The following ABCA6 variants were observed in gnomAD, a reference collection of about 807,000 sequenced individuals.
ABCA6 encodes ATP binding cassette subfamily A member 6.
Under a neutral mutation model 191.2 loss-of-function variants are expected in ABCA6, and 164 were observed. The ratio of observed to expected loss-of-function variants is 0.86; its 90% confidence interval spans 0.76 to 0.98. ABCA6 has a LOEUF of 0.98. ABCA6 is among the 50% of genes least tolerant of loss of function. The pLI is 0.00. For synonymous variants in ABCA6, 636 were observed against 647.7 expected (o/e 0.98, Z 0.27); for missense variants, 1,958 against 1,894.1 (o/e 1.03, Z -0.63).
chr17:69,131,880 G>A (rs751210081), intron 6 of ABCA6, among the ~76,000 whole-genome samples: 17 of 152,152 alleles, frequency 1.1e-4, no homozygotes, highest in Non-Finnish European at 2.4e-4. Flanking sequence ...TCAGGTGACT[G>A]CAGGGACACT....
intron 25 of ABCA6, among the ~76,000 whole-genome samples, chr17:69,092,549 T>C (rs2072949404): frequency 6.6e-6 from 1 of 152,190 alleles, no homozygotes; most frequent in African/African-American, 2.4e-5. Context: ...GATGTGCTAC[T>C]ATACCTCCAC....
Position 69,123,422 on chromosome 17 carries a change from G to A in ABCA6, c.1268-15C>T, listed in dbSNP as rs145168924. On this transcript the variant is annotated splice_polypyrimidine_tract_variant and intron_variant, in intron 9 of 38. Transcript: ENST00000284425. ...CTCATCTCCATCTAATTAACCAAGA[G>A]GCAACAAAATATGATCAGTAATAGT... 12 of 1,446,846 alleles carry A rather than the reference G, an allele frequency of 8.3e-6. No individual in the cohort carries two copies. The East Asian group carries it at 2.5e-4, about 30-fold the overall frequency. The allele number at this position is 1,446,846 out of a possible 1,614,324, so 89.6% of individuals were successfully genotyped here. A position where few individuals can be genotyped will look rare whatever the true frequency, so the allele number is the denominator to read the frequency against.
chr17:69,117,883 A>G lies in ABCA6; in HGVS notation c.1495+15T>C, dbSNP rs1418656838. 1 of 1,528,528 alleles carries G rather than the reference A, an allele frequency of 6.5e-7. No individual in the cohort carries two copies. Among genetic ancestry groups the G allele is most frequent in the African/African-American group, 1.4e-5 (1 of 72,012 alleles). The allele number at this position is 1,528,528 out of a possible 1,614,324, so 94.7% of individuals were successfully genotyped here. On this transcript the variant is annotated intron_variant, in intron 11 of 38. Coordinates refer to ENST00000284425, the MANE Select transcript of ABCA6 (RefSeq NM_080284.3). ...AAGAAGTGAAAGAATGAAATTTTTC[A>G]ATGTTTTTCTTTACCTTTCAATGCT...
chr17:69,128,847 A>T lies in ABCA6; in HGVS notation c.934-43T>A, dbSNP rs758824877. 7 of 1,470,094 alleles carry T rather than the reference A, an allele frequency of 4.8e-6. No homozygotes were observed. In the African/African-American group the frequency reaches 1.0e-4, roughly 21 times the overall value. The allele number at this position is 1,470,094 out of a possible 1,614,324, so 91.1% of individuals were successfully genotyped here. On this transcript the variant is annotated intron_variant, in intron 7 of 38. Transcript: ENST00000284425. ...CATTCAGCTGTTATAAAAAATATTT[A>T]GCTCACTGAGAATCATTGGCAGCCC...
Position 69,098,035 on chromosome 17 carries a change from T to TA in ABCA6, c.3013-9dup. On this transcript the variant is annotated splice_polypyrimidine_tract_variant and intron_variant, in intron 22 of 38. Transcript: ENST00000284425. ...CCAGAGTCCTATGTGGCTCTGAAAA[T>TA]ATAAAGGGTAGCTTAAACTAGTGAA... The TA allele has an allele frequency of 6.4e-7, 1 of 1,557,266 alleles. No individual in the cohort carries two copies. Among genetic ancestry groups the TA allele is most frequent in the Non-Finnish European group, 8.7e-7 (1 of 1,153,744 alleles).
chr17:69,081,023 A>C (rs1339108136), intron 37 of ABCA6, 43 bp downstream of exon 37: 2 of 1,176,686 alleles, frequency 1.7e-6, no homozygotes. Context: ...TTTTAGTATT[A>C]GTTGATTCTT....
chr17:69,080,731 T>G (rs2144601112), intron 37 of ABCA6, among the ~76,000 whole-genome samples: 1 of 152,240 alleles, frequency 6.6e-6, no homozygotes, highest in African/African-American at 2.4e-5. Flanking sequence ...AAGTAATAAT[T>G]TGGGACACTT....
chr17:69,137,549 T>C (rs747693217), intron 2 of ABCA6, 49 bp from the exon 3 acceptor site: 3 of 1,542,312 alleles, frequency 1.9e-6, no homozygotes, highest in Non-Finnish European at 8.9e-7. Flanking sequence ...TGCATTCACT[T>C]AAAGATCTCA....
chr17:69,119,342 A>T (rs952756034), intron 10 of ABCA6, among the ~76,000 whole-genome samples: 1 of 152,030 alleles, frequency 6.6e-6, no homozygotes, highest in African/African-American at 2.4e-5. Context: ...TTCATCACCC[A>T]TCCAACCTGG....
At chr17:69,102,703 G>A (rs183489295) in intron 21 of ABCA6, 132 bp downstream of exon 21, 2 of 820,160 alleles carry the variant, frequency 2.4e-6, no homozygotes, top group African/African-American at 1.8e-5. Flanking sequence ...AAACTTCACA[G>A]TTTATTAAAT....
chr17:69,081,064 A>C lies in ABCA6; in HGVS notation c.4696+2T>G. On this transcript the variant is annotated splice_donor_variant, in intron 37 of 38. Transcript: ENST00000284425. LOFTEE classifies it high-confidence loss of function. ...GATTTATTTGAATGTGGTCACTCTTACCTGCTTCTAATTTGTGAAAGGTCT... is the reference window on the plus strand; with the variant it reads ...GATTTATTTGAATGTGGTCACTCTTCCCTGCTTCTAATTTGTGAAAGGTCT... 6.3e-7 allele frequency: 1 copy of C among 1,581,660 alleles called. No individual in the cohort carries two copies. Among genetic ancestry groups the C allele is most frequent in the East Asian group, 2.3e-5 (1 of 44,366 alleles).
chr17:69,111,434 C>T (rs970709114), intron 16 of ABCA6: 1 of 152,732 alleles, frequency 6.5e-6, no homozygotes, highest in Non-Finnish European at 1.5e-5. Flanking sequence ...CCCATAATTC[C>T]CACATGTCAT....
In ABCA6 at chr17:69,128,461, C is replaced by CT. The variant is rs759294774; in HGVS notation, c.1119+157dup. Among the ~76,000 whole-genome samples the CT allele has an allele frequency of 9.0e-3, 1,320 of 146,518 alleles. 22 individuals carry two copies. Among genetic ancestry groups the CT allele is most frequent in the African/African-American group, 0.03 (1,197 of 40,080 alleles). On this transcript the variant is annotated intron_variant, in intron 8 of 38. Coordinates refer to ENST00000284425, the MANE Select transcript of ABCA6 (RefSeq NM_080284.3). Reference sequence around the variant, plus strand: ...AAATTTAAGTTTCTTTGTGAGGTGACTTTTTTTTTTACAATGTAATAATAA... The same window carrying CT: ...AAATTTAAGTTTCTTTGTGAGGTGACTTTTTTTTTTTACAATGTAATAATAA...
intron 7 of ABCA6, 89 bp from the exon 8 acceptor site, chr17:69,128,893 A>G: frequency 2.0e-6 from 2 of 998,342 alleles, no homozygotes; most frequent in South Asian, 4.0e-5. Flanking sequence ...GGATTTTTAT[A>G]TCATAACATA....
intron 6 of ABCA6, among the ~76,000 whole-genome samples, chr17:69,132,243 T>C (rs1345500021): frequency 1.3e-5 from 2 of 152,162 alleles, no homozygotes; most frequent in Non-Finnish European, 2.9e-5. Flanking sequence ...TTGCTTGATA[T>C]GGGGCATAGA....
In ABCA6 at chr17:69,087,368, AGT is replaced by A; in HGVS notation, c.3802_3803del (p.Thr1268PhefsTer5). On this transcript the variant is annotated frameshift_variant, in exon 29 of 39. Coordinates refer to ENST00000284425, the MANE Select transcript of ABCA6 (RefSeq NM_080284.3). LOFTEE classifies it high-confidence loss of function. ...ERIRTATALTTSILDEKPVII... is the reference protein window; with the variant it reads ...ERIRTATALTXSILDEKPVII... Reference sequence around the variant, plus strand: ...GCTTTTTTACCTCATCTAAGATTGAAGTGGTCAGAGCAGTGGCTGTTCTTATT... The same window carrying A: ...GCTTTTTTACCTCATCTAAGATTGAAGGTCAGAGCAGTGGCTGTTCTTATT... 1 of 1,613,556 alleles carries A rather than the reference AGT, an allele frequency of 6.2e-7. No homozygotes were observed. The highest frequency in any genetic ancestry group is 8.5e-7 in the Non-Finnish European group (1 of 1,179,770).
At chr17:69,109,882 T>A (rs1016594788) in intron 17 of ABCA6, 2 of 151,882 alleles carry the variant, frequency 1.3e-5, no homozygotes, top group Non-Finnish European at 2.9e-5. Flanking sequence ...AGAAAAGCCA[T>A]AAAATGCTTC....
At chr17:69,083,135 C>T in intron 35 of ABCA6, 77 bp downstream of exon 35, 1 of 1,564,108 alleles carries the variant, frequency 6.4e-7, no homozygotes. Context: ...GGGCTCCAGC[C>T]ACACACAGGG....
chr17:69,134,888 C>CTTTTTTTTTTTTTTTTTTTTTTTTT (rs58333377), intron 4 of ABCA6, 146 bp from the exon 5 acceptor site: 1 of 257,558 alleles, frequency 3.9e-6, no homozygotes, highest in Non-Finnish European at 6.8e-6. Flanking sequence ...TTGTGGTTGT[C>CTTTTTTTTTTTTTTTTTTTTTTTTT]TTTTTTTTTT....
Sources: gnomAD v4.1 joint callset for allele counts (sites outside exome capture counted in the v4.1 genomes callset) on GRCh38, gnomAD v4.1.1 for gene constraint, MANE v1.5 for transcripts, NCBI Gene and HGNC (gene_info 2026-07-23, HGNC 2026-07-21) for gene names.